SBNO2: variants seen among roughly 807,000 people sequenced by gnomAD.
SBNO2 encodes protein strawberry notch homolog 2.
A neutral mutation model predicts 146.3 loss-of-function variants in SBNO2; 89 were observed. The ratio of observed to expected loss-of-function variants is 0.61; its 90% CI spans 0.51 to 0.73. The LOEUF is 0.73. Among genes scored for constraint, SBNO2 ranks in the 30% least tolerant of loss-of-function variants. The probability of loss-of-function intolerance (pLI) is 0.00; values close to 1 mark genes in which losing one functional copy is unlikely to be tolerated. For synonymous variants in SBNO2, 1,147 were observed against 892.6 expected, an observed-to-expected ratio of 1.29 and a Z score of -5.08; for missense variants, 2,092 against 2,003.7, an observed-to-expected ratio of 1.04 and a Z score of -0.84.
At chr19:1,146,607 C>T (rs922404485) in intron 4 of SBNO2, among the ~76,000 whole-genome samples, 4 of 151,610 alleles carry the variant, frequency 2.6e-5, no homozygotes, top group Admixed American at 6.6e-5. Context: ...GGGTCCCACA[C>T]GGAGGCTGTG....
In SBNO2 at chr19:1,144,502, C is replaced by T. The variant is rs917855193; in HGVS notation, c.279+2807G>A. Among the ~76,000 whole-genome samples the T allele has an allele frequency of 2.6e-5, 4 of 152,022 alleles. No homozygotes were observed. The highest frequency in any genetic ancestry group is 9.7e-5 in the African/African-American group (4 of 41,366). Reference sequence around the variant, plus strand: ...CAGCAATTGTTCAGGAGGGGAGGAGCAGGAGAATTCATGAGACAGAGATGG... The same window carrying T: ...CAGCAATTGTTCAGGAGGGGAGGAGTAGGAGAATTCATGAGACAGAGATGG... On this transcript the variant is annotated intron_variant, in intron 4 of 31. Coordinates refer to ENST00000361757, the MANE Select transcript of SBNO2 (RefSeq NM_014963.3). This position sits in a 1 kb window ranked among gnomAD's most constrained non-coding sequence, Gnocchi z 4.1.
intron 4 of SBNO2, among the ~76,000 whole-genome samples, chr19:1,139,470 G>A (rs183710219): frequency 0.013 from 1,991 of 152,078 alleles, 28 homozygotes; most frequent in Non-Finnish European, 0.021. Flanking sequence ...TAGAAATGGG[G>A]ACTTTTCTGT....
intron 4 of SBNO2, among the ~76,000 whole-genome samples, chr19:1,135,901 T>C (rs1316805720): frequency 6.6e-6 from 1 of 152,000 alleles, no homozygotes; most frequent in Non-Finnish European, 1.5e-5. Context: ...GCCTGGTCAC[T>C]AGAGTGCCCC....
chr19:1,127,663 T>C lies in SBNO2; in HGVS notation c.382A>G (p.Ser128Gly). ...VDTPDFLPAD[S>G]LNQVSTIWDD... ...CAGATGGTGGACACCTGGTTGAGGCTGTCAGCCGGCAGGAAGTCGGGCGTG... is the reference window on the plus strand; with the variant it reads ...CAGATGGTGGACACCTGGTTGAGGCCGTCAGCCGGCAGGAAGTCGGGCGTG... The change falls in exon 5 of 32, where the codon AGC (serine) becomes GGC (glycine). Residue 128 changes from serine (S) to glycine (G), a missense_variant. By Grantham distance (56) the Ser-to-Gly change is moderately conservative. Coordinates refer to ENST00000361757, the MANE Select transcript of SBNO2 (RefSeq NM_014963.3). The C allele has an allele frequency of 2.5e-6, 4 of 1,613,514 alleles. No homozygotes were observed. The highest frequency in any genetic ancestry group is 2.2e-5 in the East Asian group (1 of 44,886).
rs375517190 is a variant in SBNO2 at position 1,109,703 on chromosome 19, C to T, written c.3103G>A (p.Gly1035Arg). 5.0e-5 allele frequency: 80 copies of T among 1,606,750 alleles called. No homozygotes were observed. The highest frequency in any genetic ancestry group is 6.3e-5 in the Non-Finnish European group (74 of 1,175,938). The change falls in exon 27 of 32, where the codon GGG becomes AGG. Residue 1035 changes from glycine to arginine, a missense_variant. By Grantham distance (125) the Gly-to-Arg change is moderately radical. Coordinates refer to ENST00000361757, the MANE Select transcript of SBNO2 (RefSeq NM_014963.3). This position sits in a 1 kb window ranked among gnomAD's most constrained non-coding sequence, Gnocchi z 4.2. ...VFLAPGHPQDGQVVFYKISVD... is the reference protein window; with the variant it reads ...VFLAPGHPQDRQVVFYKISVD... ...CTGACCTTGTAGAAGACCACCTGCC[C>T]GTCCTGCGGGTGCCCGGGAGCCAGG...
chr19:1,137,233 G>A (rs1228907869), intron 4 of SBNO2, among the ~76,000 whole-genome samples: 1 of 80,424 alleles, frequency 1.2e-5, no homozygotes, highest in Non-Finnish European at 2.4e-5. Flanking sequence ...GGAGAGGCTC[G>A]GGCTGGGGTA....
chr19:1,123,637 C>T lies in SBNO2; in HGVS notation c.525G>A (p.Glu175=). ...CCTCTGGCTGGCTCTGCACACTCTG[C>T]TCCTGCGTGCGTGGCGGGAGCTCAG... is the stretch of plus-strand genomic sequence containing the variant. ...HSTPLLVSYQ[E]QSVQSQPEEE... is the part of the protein sequence containing the mutation. Residue 175 remains glutamate, a splice_region_variant and synonymous_variant, in exon 7 of 32, where the codon GAG becomes GAA. Transcript: ENST00000361757. The T allele has an allele frequency of 3.1e-6, 5 of 1,611,218 alleles. No homozygotes were observed. The highest frequency in any genetic ancestry group is 4.2e-6 in the Non-Finnish European group (5 of 1,179,148).
chr19:1,130,797 CAAAT>C (rs376100518), intron 4 of SBNO2, among the ~76,000 whole-genome samples: 29 of 152,286 alleles, frequency 1.9e-4, no homozygotes, highest in Middle Eastern at 3.4e-3. Context: ...GTCACAAAAA[CAAAT>C]AAATAAAAGT....
chr19:1,113,048 G>T, intron 19 of SBNO2, 99 bp from the exon 20 acceptor site: 1 of 1,399,086 alleles, frequency 7.1e-7, no homozygotes, highest in Non-Finnish European at 9.6e-7. Context: ...CAGTGGTCAT[G>T]GGCTCCCAGC....
chr19:1,167,051 G>A (rs2145355092), intron 1 of SBNO2, among the ~76,000 whole-genome samples: 1 of 152,390 alleles, frequency 6.6e-6, no homozygotes, highest in African/African-American at 2.4e-5. Context: ...GAGGGCATCA[G>A]GTCCTGGAGG....
chr19:1,112,563 A>C lies in SBNO2; in HGVS notation c.2380-26T>G. 6.3e-7 allele frequency: 1 copy of C among 1,579,994 alleles called. No homozygotes were observed. Among genetic ancestry groups the C allele is most frequent in the Non-Finnish European group, 8.6e-7 (1 of 1,169,550 alleles). On this transcript the variant is annotated intron_variant, in intron 20 of 31. Transcript: ENST00000361757. The surrounding 1 kb of genome is among the most constrained non-coding windows in gnomAD (Gnocchi z 5.9). ...CTAGGGGGAAAGAAGGGGCCGGGAC[A>C]CGGTTGGTGCAAGGCCCGCCCCAGC...
Position 1,144,537 on chromosome 19 carries a change from C to T in SBNO2, c.279+2772G>A, listed in dbSNP as rs950290066. On this transcript the variant is annotated intron_variant, in intron 4 of 31. Transcript: ENST00000361757. This position sits in a 1 kb window ranked among gnomAD's most constrained non-coding sequence, Gnocchi z 4.1. Reference sequence around the variant, plus strand: ...CATGAGACAGAGATGGAGACGGAGACAGAGACAGAGACATGGAGAGAGACA... The same window carrying T: ...CATGAGACAGAGATGGAGACGGAGATAGAGACAGAGACATGGAGAGAGACA... Among the ~76,000 whole-genome samples the T allele has an allele frequency of 6.6e-6, 1 of 151,872 alleles. No homozygotes were observed. The highest frequency in any genetic ancestry group is 2.4e-5 in the African/African-American group (1 of 41,330).
intron 2 of SBNO2, among the ~76,000 whole-genome samples, chr19:1,153,140 T>G (rs75236135): frequency 6.6e-6 from 1 of 150,580 alleles, no homozygotes; most frequent in African/African-American, 2.4e-5. Flanking sequence ...GGCAACAGAG[T>G]GAAACCGTGT....
At chr19:1,132,241 GGGGCGGCTCT>G in intron 4 of SBNO2, 1 of 1,302,770 alleles carries the variant, frequency 7.7e-7, no homozygotes, top group Non-Finnish European at 9.8e-7. Flanking sequence ...GGGGCGGACG[GGGGCGGCTCT>G]CCGCCCGGCT....
chr19:1,160,456 G>A (rs949728895), intron 1 of SBNO2, among the ~76,000 whole-genome samples: 4 of 152,328 alleles, frequency 2.6e-5, no homozygotes, highest in South Asian at 4.1e-4. Flanking sequence ...GGACACCCCC[G>A]AAGGGCAGTG....
At chr19:1,146,379 G>A (rs1421016914) in intron 4 of SBNO2, among the ~76,000 whole-genome samples, 2 of 152,160 alleles carry the variant, frequency 1.3e-5, no homozygotes, top group Non-Finnish European at 2.9e-5. Context: ...GTGAGCCCTG[G>A]GACCTGAATT....
chr19:1,112,007 A>G lies in SBNO2; in HGVS notation c.2689T>C (p.Phe897Leu), dbSNP rs1395211900. The change falls in exon 23 of 32, where the codon TTT becomes CTT. Residue 897 changes from phenylalanine (F) to leucine (L), a missense_variant. Physicochemically the swap from Phe to Leu is conservative, Grantham distance 22. Coordinates refer to ENST00000361757, the MANE Select transcript of SBNO2 (RefSeq NM_014963.3). This position sits in a 1 kb window ranked among gnomAD's most constrained non-coding sequence, Gnocchi z 5.9. ...CTTCCCTGCAGTACCTTGTTCTCAA[A>G]GTTGTACTTGCTGAGGTCACGGGAC... ...TESRDLSKYN[F>L]ENKYGTRALH... 8.7e-6 allele frequency: 14 copies of G among 1,611,944 alleles called. No individual in the cohort carries two copies. Among genetic ancestry groups the G allele is most frequent in the African/African-American group, 1.3e-5 (1 of 74,874 alleles).
intron 4 of SBNO2, among the ~76,000 whole-genome samples, chr19:1,143,239 A>T (rs2080157091): frequency 1.3e-5 from 2 of 152,212 alleles, no homozygotes; most frequent in African/African-American, 2.4e-5. Flanking sequence ...ATGCTTTGGT[A>T]GGCTCAGGCA....
chr19:1,148,029 G>T (rs953372563), intron 3 of SBNO2, among the ~76,000 whole-genome samples: 1 of 151,758 alleles, frequency 6.6e-6, no homozygotes, highest in Non-Finnish European at 1.5e-5. Flanking sequence ...TCCCCACTCC[G>T]GCCCCCTTGG....
Sources: allele counts gnomAD v4.1 joint callset (sites outside exome capture counted in the v4.1 genomes callset), GRCh38; gene constraint gnomAD v4.1.1; non-coding constraint Gnocchi (gnomAD v3.1); transcripts MANE v1.5; gene names NCBI Gene and HGNC (gene_info 2026-07-23, HGNC 2026-07-21).